The following COQ10A variants were observed in gnomAD, a reference collection of about 807,000 sequenced individuals.
COQ10A encodes coenzyme Q10A, also known as coenzyme Q-binding protein COQ10 homolog A, mitochondrial.
Under a neutral mutation model 26.1 loss-of-function variants are expected in COQ10A, and 25 were observed. That is an observed-to-expected ratio of 0.96 (90% CI 0.70 to 1.34). COQ10A has a LOEUF of 1.34. Among genes scored for constraint, COQ10A ranks in the 40% most tolerant of loss-of-function variants. The pLI is 0.00. For missense variants in COQ10A, 312 were observed against 335.4 expected, an observed-to-expected ratio of 0.93 and a Z score of 0.54; for synonymous variants, 132 against 124.0, an observed-to-expected ratio of 1.06 and a Z score of -0.43.
rs1872474759 is a variant in COQ10A, at chr12:56,270,219, CAG to C, written c.648_649del (p.Asn217CysfsTer5). The C allele has an allele frequency of 1.2e-6, 2 of 1,614,102 alleles. No homozygotes were observed. The highest frequency in any genetic ancestry group is 1.7e-6 in the Non-Finnish European group (2 of 1,180,012). On this transcript the variant is annotated frameshift_variant, in exon 5 of 5. Transcript: ENST00000308197. LOFTEE classifies it high-confidence loss of function. ...CATGTTTTTTGATGAGGTTGTCAAACAGAATGTTGCTGCCTTTGAGCGTCGGG... is the reference window on the plus strand; with the variant it reads ...CATGTTTTTTGATGAGGTTGTCAAACAATGTTGCTGCCTTTGAGCGTCGGG... The part of the protein sequence containing the change: ...ATMFFDEVVK[Q>X]NVAAFERRAA...
At chr12:56,267,290 G>A (rs1359238293) in intron 1 of COQ10A, 38 bp downstream of exon 1, 6 of 1,588,674 alleles carry the variant, frequency 3.8e-6, no homozygotes, top group Non-Finnish European at 4.3e-6. Flanking sequence ...GCAGGGGGTC[G>A]CTGCGAACCC....
rs571058316 is a variant in COQ10A at position 56,268,318 on chromosome 12, C to G, written c.281+378C>G. On this transcript the variant is annotated intron_variant, in intron 2 of 4. Coordinates refer to ENST00000308197, the MANE Select transcript of COQ10A (RefSeq NM_144576.4). ...AAACCCTGTCTCCACTAAAAAAAAA[C>G]ACACACACAAGAATCAGCCTGGCAC... 20 of 203,320 alleles carry G rather than the reference C, an allele frequency of 9.8e-5. No individual in the cohort carries two copies. The South Asian group carries it at 1.4e-3, about 14-fold the overall frequency. 12.6% of individuals were successfully genotyped at this position (203,320 alleles called of 1,614,324 possible). A position where few individuals can be genotyped will look rare whatever the true frequency, so the allele number is the denominator to read the frequency against.
chr12:56,269,922 G>A (rs1266957995), intron 4 of COQ10A: 4 of 568,898 alleles, frequency 7.0e-6, no homozygotes, highest in South Asian at 6.2e-5. Flanking sequence ...CCACCGCACC[G>A]ACCTGACAGG....
chr12:56,270,454 T>C lies in COQ10A; in HGVS notation c.*137T>C. The C allele has an allele frequency of 1.1e-6, 1 of 918,618 alleles. No homozygotes were observed. Among genetic ancestry groups the C allele is most frequent in the South Asian group, 1.8e-5 (1 of 56,628 alleles). The allele number at this position is 918,618 out of a possible 1,614,324, so 56.9% of individuals were successfully genotyped here. On this transcript the variant is annotated 3_prime_UTR_variant, in exon 5 of 5. Transcript: ENST00000308197. ...GTTTCTCCTCTCAATTTCCCAGAAATTGGGTTCTATGCTGGCTGGAAATGT... is the reference window on the plus strand; with the variant it reads ...GTTTCTCCTCTCAATTTCCCAGAAACTGGGTTCTATGCTGGCTGGAAATGT...
intron 4 of COQ10A, 70 bp downstream of exon 4, chr12:56,269,631 GTTA>G (rs1565617337): frequency 4.5e-6 from 5 of 1,099,464 alleles, no homozygotes; most frequent in East Asian, 4.7e-5. Context: ...CTGTGACAGG[GTTA>G]TTAATTTATT....
rs2135903338 is a variant in COQ10A at position 56,267,021 on chromosome 12, C to A, written c.-98C>A. On this transcript the variant is annotated 5_prime_UTR_variant, in exon 1 of 5. Coordinates refer to ENST00000308197, the MANE Select transcript of COQ10A (RefSeq NM_144576.4). The stretch of plus-strand genomic sequence containing the variant: ...TCCCGTCGCCCCTGCGCTCAGAGGT[C>A]CCGAACCAGCCCAGCCGCTGCCTCT... The A allele has an allele frequency of 8.5e-7, 1 of 1,175,572 alleles. No homozygotes were observed. Among genetic ancestry groups the A allele is most frequent in the Non-Finnish European group, 1.1e-6 (1 of 946,036 alleles). The allele number at this position is 1,175,572 out of a possible 1,614,324, so 72.8% of individuals were successfully genotyped here. A position where few individuals can be genotyped will look rare whatever the true frequency, so the allele number is the denominator to read the frequency against.
In COQ10A at chr12:56,267,210, C is replaced by A; in HGVS notation, c.92C>A (p.Pro31Gln). Residue 31 changes from proline (P) to glutamine (Q), a missense_variant, in exon 1 of 5, where the codon CCG (proline) becomes CAG (glutamine). By Grantham distance (76) the Pro-to-Gln change is moderately conservative (BLOSUM62 -1). Transcript: ENST00000308197. ...CTCTCGCTCAGCCCGGGCGCGCAACCGGCCCCGCCCCCAGGCCCTCTGCCA... is the reference window on the plus strand; with the variant it reads ...CTCTCGCTCAGCCCGGGCGCGCAACAGGCCCCGCCCCCAGGCCCTCTGCCA... Reference protein sequence around the residue: ...CRLSLSPGAQPAPPPGPLPPP... With the variant: ...CRLSLSPGAQQAPPPGPLPPP... 1 of 1,424,346 alleles carries A rather than the reference C, an allele frequency of 7.0e-7. No individual in the cohort carries two copies. The highest frequency in any genetic ancestry group is 2.8e-5 in the East Asian group (1 of 35,756). 88.2% of individuals were successfully genotyped at this position (1,424,346 alleles called of 1,614,324 possible).
chr12:56,270,073 G>C lies in COQ10A; in HGVS notation c.577-77G>C. On this transcript the variant is annotated intron_variant, in intron 4 of 4. Transcript: ENST00000308197. The stretch of plus-strand genomic sequence containing the variant: ...GGGGAGGGGGAGAAAAGGCACTGAG[G>C]AACAGTTTCCTTGCATTTGGCCAGG... 12 of 1,453,284 alleles carry C rather than the reference G, an allele frequency of 8.3e-6. No individual in the cohort carries two copies. The South Asian group carries it at 1.5e-4, about 18-fold the overall frequency. 90.0% of individuals were successfully genotyped at this position (1,453,284 alleles called of 1,614,324 possible).
Position 56,267,083 on chromosome 12 carries a change from G to A in COQ10A, c.-36G>A, listed in dbSNP as rs1872368085. 7.9e-7 allele frequency: 1 copy of A among 1,263,312 alleles called. No individual in the cohort carries two copies. Among genetic ancestry groups the A allele is most frequent in the South Asian group, 2.7e-5 (1 of 37,260 alleles). 78.3% of individuals were successfully genotyped at this position (1,263,312 alleles called of 1,614,324 possible). ...CTTTGGAGTGAGGAGGGCGCAGCCCGCGTCAGAACTTAGAGGGCCAGGCAG... is the reference window on the plus strand; with the variant it reads ...CTTTGGAGTGAGGAGGGCGCAGCCCACGTCAGAACTTAGAGGGCCAGGCAG... On this transcript the variant is annotated 5_prime_UTR_variant, in exon 1 of 5. Transcript: ENST00000308197.
At chr12:56,267,512 C>T in intron 1 of COQ10A, 4 of 1,556,840 alleles carry the variant, frequency 2.6e-6, no homozygotes, top group Non-Finnish European at 3.5e-6. Flanking sequence ...AAAGTCTTAG[C>T]TTTCAGCAGT....
chr12:56,270,625 CCTT>C lies in COQ10A; in HGVS notation c.*309_*311del. The C allele has an allele frequency of 4.2e-6, 1 of 237,122 alleles. No homozygotes were observed. The allele number at this position is 237,122 out of a possible 1,614,324, so 14.7% of individuals were successfully genotyped here. ...GTTGTCTCTGGACCTTATCAAGACA[CCTT>C]AGTGTCTGACCAGGGGACGATAGTA... On this transcript the variant is annotated 3_prime_UTR_variant, in exon 5 of 5. Transcript: ENST00000308197.
At chr12:56,268,081 T>C (rs1592402282) in intron 2 of COQ10A, 141 bp downstream of exon 2, 35 of 1,042,712 alleles carry the variant, frequency 3.4e-5, no homozygotes, top group East Asian at 7.3e-5. Context: ...TGATCCTCAG[T>C]CCTCCCCTGC....
rs752110853 is a variant in COQ10A, at chr12:56,267,931, G to C, written c.272G>C (p.Arg91Thr). The C allele has an allele frequency of 9.9e-6, 16 of 1,614,100 alleles. No homozygotes were observed. Among genetic ancestry groups the C allele is most frequent in the Admixed American group, 8.3e-5 (5 of 60,010 alleles). Reference sequence around the variant, plus strand: ...AAGCGAAAGGCTTACTCGGAGCGTAGAATCATGGGGTAAGCATTCTCTGCC... The same window carrying C: ...AAGCGAAAGGCTTACTCGGAGCGTACAATCATGGGGTAAGCATTCTCTGCC... ...TNKRKAYSER[R>T]IMGYSMQEMY... is the part of the protein sequence containing the mutation. Residue 91 changes from arginine to threonine, a missense_variant, in exon 2 of 5, where the codon AGA (arginine) becomes ACA (threonine). By Grantham distance (71) the Arg-to-Thr change is moderately conservative. Transcript: ENST00000308197.
At chr12:56,267,671 G>C (rs755545577) in intron 1 of COQ10A, 123 bp from the exon 2 acceptor site, 2 of 1,382,194 alleles carry the variant, frequency 1.4e-6, no homozygotes, top group Admixed American at 1.7e-5. Flanking sequence ...GCTGCAGCAG[G>C]TGCTGGGGGG....
Position 56,269,477 on chromosome 12 carries a change from C to A in COQ10A, c.492C>A (p.Gly164=). 6 of 1,613,926 alleles carry A rather than the reference C, an allele frequency of 3.7e-6. No individual in the cohort carries two copies. The highest frequency in any genetic ancestry group is 5.1e-6 in the Non-Finnish European group (6 of 1,179,814). Reference sequence around the variant, plus strand: ...TATTCTAGGCTGTTTGTACTGATGGCAAGCTCTTCAACCACTTAGAGACTA... The same window carrying A: ...TATTCTAGGCTGTTTGTACTGATGGAAAGCTCTTCAACCACTTAGAGACTA... ...PHMVKAVCTD[G]KLFNHLETIW... Residue 164 remains glycine, a synonymous_variant, in exon 4 of 5, where the codon GGC becomes GGA. Coordinates refer to ENST00000308197, the MANE Select transcript of COQ10A (RefSeq NM_144576.4).
intron 4 of COQ10A, 53 bp from the exon 5 acceptor site, chr12:56,270,097 G>C (rs1399655472): frequency 6.4e-7 from 1 of 1,559,616 alleles, no homozygotes; most frequent in African/African-American, 1.4e-5. Flanking sequence ...CATTTGGCCA[G>C]GGACTATCCA....
intron 4 of COQ10A, 152 bp from the exon 5 acceptor site, chr12:56,269,998 T>C (rs1392118316): frequency 2.8e-6 from 2 of 715,228 alleles, no homozygotes; most frequent in Non-Finnish European, 2.4e-6. Flanking sequence ...AGACTCGTAC[T>C]CCGTGCTCAG....
At chr12:56,267,430 C>A (rs754332282) in intron 1 of COQ10A, 178 bp downstream of exon 1, 19 of 1,613,802 alleles carry the variant, frequency 1.2e-5, no homozygotes, top group Non-Finnish European at 1.6e-5. Context: ...GGGAAGTTCT[C>A]GGGGTGAGTG....
chr12:56,270,063 A>G, intron 4 of COQ10A, 87 bp from the exon 5 acceptor site: 3 of 1,354,436 alleles, frequency 2.2e-6, no homozygotes, highest in Non-Finnish European at 2.1e-6. Context: ...GGGGGAGAAA[A>G]GGCACTGAGG....
Sources: gnomAD v4.1 joint callset for allele counts on GRCh38, gnomAD v4.1.1 for gene constraint, MANE v1.5 for transcripts, NCBI Gene and HGNC (gene_info 2026-07-23, HGNC 2026-07-21) for gene names.